GALNT1: variants seen among roughly 807,000 people sequenced by gnomAD.
The protein encoded by GALNT1 is polypeptide N-acetylgalactosaminyltransferase 1.
In GALNT1, 17 loss-of-function variants were observed where a neutral mutation model predicts 65.7. The ratio of observed to expected loss-of-function variants is 0.26; its 90% CI spans 0.18 to 0.39. GALNT1 has a LOEUF of 0.39. Ranked by LOEUF, GALNT1 falls within the 10% of genes least tolerant of loss-of-function variation. GALNT1 has a pLI of 1.00. For missense variants in GALNT1, 460 were observed against 672.8 expected, an observed-to-expected ratio of 0.68 and a Z score of 3.50; for synonymous variants, 210 against 219.7, an observed-to-expected ratio of 0.96 and a Z score of 0.39.
At chr18:35,661,351 T>C (rs552317960) in intron 2 of GALNT1, among the ~76,000 whole-genome samples, 1 of 152,032 alleles carries the variant, frequency 6.6e-6, no homozygotes, top group South Asian at 2.1e-4. Context: ...ATACAAAAAT[T>C]AGCCAGATAT....
At chr18:35,660,012 A>G (rs973046635) in intron 2 of GALNT1, 5 of 152,158 alleles carry the variant, frequency 3.3e-5, no homozygotes, top group African/African-American at 1.2e-4. Context: ...TTTATAGAAT[A>G]TTCTGTATAC....
chr18:35,709,833 T>A lies in GALNT1; in HGVS notation c.*63T>A. ...ACTGGGCTACCTCAGCATACATTTCTGCCACATTCTTAAGTAGCAAAAAAG... is the reference window on the plus strand; with the variant it reads ...ACTGGGCTACCTCAGCATACATTTCAGCCACATTCTTAAGTAGCAAAAAAG... On this transcript the variant is annotated 3_prime_UTR_variant, in exon 12 of 12. Transcript: ENST00000269195. 6.3e-7 allele frequency: 1 copy of A among 1,580,756 alleles called. No homozygotes were observed. Among genetic ancestry groups the A allele is most frequent in the Non-Finnish European group, 8.6e-7 (1 of 1,157,574 alleles).
chr18:35,656,522 G>C (rs1206210215), intron 2 of GALNT1, among the ~76,000 whole-genome samples: 1 of 152,228 alleles, frequency 6.6e-6, no homozygotes, highest in Non-Finnish European at 1.5e-5. Context: ...AGCTTGAGCA[G>C]GTGTTTGTTA....
chr18:35,678,893 TAAA>T (rs2047749176), intron 4 of GALNT1, among the ~76,000 whole-genome samples: 1 of 152,308 alleles, frequency 6.6e-6, no homozygotes, highest in Admixed American at 6.5e-5. Flanking sequence ...ATTAATACAA[TAAA>T]AACAATTTAA....
Position 35,687,057 on chromosome 18 carries a change from A to G in GALNT1, c.731A>G (p.Asp244Gly), listed in dbSNP as rs2047879439. 2 of 1,613,816 alleles carry G rather than the reference A, an allele frequency of 1.2e-6. No individual in the cohort carries two copies. Among genetic ancestry groups the G allele is most frequent in the African/African-American group, 1.3e-5 (1 of 74,920 alleles). Reference protein sequence around the residue: ...VCPIIDVISDDTFEYMAGSDM... With the variant: ...VCPIIDVISDGTFEYMAGSDM... ...CCCATCATCGATGTGATCAGTGATGATACTTTTGAGTACATGGCAGGCTCT... is the reference window on the plus strand; with the variant it reads ...CCCATCATCGATGTGATCAGTGATGGTACTTTTGAGTACATGGCAGGCTCT... Residue 244 changes from aspartate (D) to glycine (G), a missense_variant, in exon 6 of 12, where the codon GAT becomes GGT. By Grantham distance (94) the Asp-to-Gly change is moderately conservative. Transcript: ENST00000269195.
intron 1 of GALNT1, among the ~76,000 whole-genome samples, chr18:35,594,431 G>C (rs1343686350): frequency 6.6e-6 from 1 of 152,018 alleles, no homozygotes; most frequent in Non-Finnish European, 1.5e-5. Context: ...TAGAGGGTGA[G>C]AGAGGGGGTC....
intron 1 of GALNT1, among the ~76,000 whole-genome samples, chr18:35,629,922 T>A (rs1173474857): frequency 6.6e-6 from 1 of 152,048 alleles, no homozygotes; most frequent in East Asian, 1.9e-4. Context: ...TTCTGATAAG[T>A]CAGACTTTAA....
intron 3 of GALNT1, chr18:35,664,063 C>G: frequency 2.5e-6 from 1 of 400,038 alleles, no homozygotes; most frequent in Non-Finnish European, 4.5e-6. Flanking sequence ...TTATTATTAC[C>G]AAAATACTCA....
At chr18:35,591,003 C>G (rs957912816) in intron 1 of GALNT1, among the ~76,000 whole-genome samples, 1 of 152,114 alleles carries the variant, frequency 6.6e-6, no homozygotes, top group East Asian at 1.9e-4. Flanking sequence ...CAAAAGATGA[C>G]TAAAACAGCT....
rs1352770438 is a variant in GALNT1, at chr18:35,624,678, C to T, written c.-103-29882C>T. On this transcript the variant is annotated intron_variant, in intron 1 of 11. Transcript: ENST00000269195. ...GATTTTCTATTTCCTCCTTTTTCAA[C>T]TTTGATTTTTAACTTACACATTCTG... Among the ~76,000 whole-genome samples, 2 of 151,928 alleles carry T rather than the reference C, an allele frequency of 1.3e-5. 1 individual carries two copies. The highest frequency in any genetic ancestry group is 2.9e-5 in the Non-Finnish European group (2 of 67,966).
chr18:35,600,934 T>C (rs2046574225), intron 1 of GALNT1, among the ~76,000 whole-genome samples: 1 of 152,094 alleles, frequency 6.6e-6, no homozygotes, highest in African/African-American at 2.4e-5. Flanking sequence ...TTTTGGTATA[T>C]GAGTAATGGT....
chr18:35,581,458 C>A (rs1355066398), upstream of GALNT1, among the ~76,000 whole-genome samples: 1 of 146,154 alleles, frequency 6.8e-6, no homozygotes, highest in Non-Finnish European at 1.5e-5. Flanking sequence ...CCCCGCCTCC[C>A]CCGCGCAGCC....
chr18:35,695,001 TA>T (rs1443842931), intron 9 of GALNT1, among the ~76,000 whole-genome samples: 1 of 152,154 alleles, frequency 6.6e-6, no homozygotes, highest in African/African-American at 2.4e-5. Flanking sequence ...GAATGGTGGT[TA>T]CCAGGGCTGA....
intron 2 of GALNT1, among the ~76,000 whole-genome samples, chr18:35,660,468 T>C (rs1304819097): frequency 6.6e-6 from 1 of 152,172 alleles, no homozygotes; most frequent in African/African-American, 2.4e-5. Context: ...CATAATACTT[T>C]GGAATAACAC....
intron 1 of GALNT1, among the ~76,000 whole-genome samples, chr18:35,599,544 G>T (rs1213335246): frequency 6.6e-6 from 1 of 151,906 alleles, no homozygotes; most frequent in East Asian, 1.9e-4. Flanking sequence ...CTAATTTTCT[G>T]TATTTTGGAT....
chr18:35,627,929 C>T (rs1034817674), intron 1 of GALNT1, among the ~76,000 whole-genome samples: 2 of 150,740 alleles, frequency 1.3e-5, no homozygotes, highest in African/African-American at 2.4e-5. Flanking sequence ...ATATCCCGTG[C>T]CTGGCTCGGA....
chr18:35,650,812 T>G (rs1401714928), intron 1 of GALNT1, among the ~76,000 whole-genome samples: 2 of 152,150 alleles, frequency 1.3e-5, no homozygotes, highest in African/African-American at 4.8e-5. Context: ...AGATTTCATA[T>G]TGTTTAAACA....
chr18:35,627,319 T>C (rs2046931567), intron 1 of GALNT1: 1 of 152,290 alleles, frequency 6.6e-6, no homozygotes, highest in Non-Finnish European at 1.5e-5. Flanking sequence ...GGCATGATCC[T>C]GGCACTCAGG....
intron 1 of GALNT1, among the ~76,000 whole-genome samples, chr18:35,584,750 A>G (rs2046360887): frequency 6.6e-6 from 1 of 152,200 alleles, no homozygotes; most frequent in African/African-American, 2.4e-5. Flanking sequence ...TAGATCCCTC[A>G]TATGTAAAAT....
Sources: gnomAD v4.1 joint callset for allele counts (sites outside exome capture counted in the v4.1 genomes callset) on GRCh38, gnomAD v4.1.1 for gene constraint, MANE v1.5 for transcripts, NCBI Gene and HGNC (gene_info 2026-07-23, HGNC 2026-07-21) for gene names.